Variants in DHX29 observed in about 807,000 individuals in gnomAD.
DHX29 encodes the protein ATP-dependent RNA helicase DHX29.
Under a neutral mutation model 167.9 loss-of-function variants are expected in DHX29, and 79 were observed. The ratio of observed to expected loss-of-function variants is 0.47; its 90% CI spans 0.39 to 0.57. The LOEUF is 0.57. Ranked by LOEUF, DHX29 falls within the 20% of genes least tolerant of loss-of-function variation. The pLI is 0.00. For synonymous variants in DHX29, 530 were observed against 546.0 expected (o/e 0.97, Z 0.41); for missense variants, 1,347 against 1,593.4 (o/e 0.85, Z 2.63).
chr5:55,263,260 CTCAA>C (rs1170080624), intron 23 of DHX29, among the ~76,000 whole-genome samples: 1 of 152,122 alleles, frequency 6.6e-6, no homozygotes, highest in Non-Finnish European at 1.5e-5. Context: ...GAGATTTTTA[CTCAA>C]TGAGGATGGT....
intron 11 of DHX29, 73 bp downstream of exon 11, chr5:55,283,130 C>G (rs1175041531): frequency 1.3e-6 from 2 of 1,489,712 alleles, no homozygotes; most frequent in African/African-American, 1.4e-5. Flanking sequence ...GGTACACATT[C>G]CATTTGGATC....
chr5:55,285,636 A>G, intron 9 of DHX29, 60 bp downstream of exon 9: 2 of 1,487,934 alleles, frequency 1.3e-6, no homozygotes, highest in Non-Finnish European at 1.8e-6. Flanking sequence ...AAAGATTTCC[A>G]CCTTAAATTT....
chr5:55,301,935 A>G (rs1561172587), intron 1 of DHX29, among the ~76,000 whole-genome samples: 1 of 152,198 alleles, frequency 6.6e-6, no homozygotes, highest in African/African-American at 2.4e-5. Context: ...TTAAAAGAAC[A>G]AAAGTTTTTG....
In DHX29 at chr5:55,297,266, T is replaced by C. The variant is rs780672645; in HGVS notation, c.375+19A>G. 8.1e-7 allele frequency: 1 copy of C among 1,238,564 alleles called. No homozygotes were observed. The highest frequency in any genetic ancestry group is 1.2e-6 in the Non-Finnish European group (1 of 843,918). 76.7% of individuals were successfully genotyped at this position (1,238,564 alleles called of 1,614,324 possible). Reference sequence around the variant, plus strand: ...ATGCTTCACTAAAACTAAGGAACTTTAAAAAGTTTGCAAAATACCTGCAAT... The same window carrying C: ...ATGCTTCACTAAAACTAAGGAACTTCAAAAAGTTTGCAAAATACCTGCAAT... On this transcript the variant is annotated intron_variant, in intron 3 of 26. Transcript: ENST00000251636.
chr5:55,283,949 T>C, intron 10 of DHX29, 138 bp from the exon 11 acceptor site: 2 of 595,142 alleles, frequency 3.4e-6, no homozygotes, highest in East Asian at 5.8e-5. Context: ...TATATGTATG[T>C]GTATGATGCA....
In DHX29 at chr5:55,294,083, T is replaced by C; in HGVS notation, c.714A>G (p.Glu238=). The C allele has an allele frequency of 6.2e-7, 1 of 1,608,298 alleles. No individual in the cohort carries two copies. The highest frequency in any genetic ancestry group is 8.5e-7 in the Non-Finnish European group (1 of 1,177,814). Residue 238 remains glutamate (E), a synonymous_variant, in exon 6 of 27, where the codon GAA becomes GAG. Transcript: ENST00000251636. ...CATTCTTTTCTTCTTCATTTTGTTG[T>C]TCAGCATATCGTAAAATCCACTCTT... ...NMKEWILRYA[E]QQNEEEKNEN... is the part of the protein sequence containing the mutation.
intron 25 of DHX29, among the ~76,000 whole-genome samples, chr5:55,260,439 G>T (rs1489227668): frequency 1.3e-5 from 2 of 151,792 alleles, no homozygotes; most frequent in Non-Finnish European, 2.9e-5. Flanking sequence ...CACCATGTTG[G>T]TCAGGCTGGT....
chr5:55,276,485 C>A, intron 13 of DHX29, 79 bp from the exon 14 acceptor site: 1 of 1,129,196 alleles, frequency 8.9e-7, no homozygotes, highest in Non-Finnish European at 1.2e-6. Flanking sequence ...CAGGGGACAC[C>A]ACCTTTTGAA....
In DHX29 at chr5:55,270,579, T is replaced by A; in HGVS notation, c.2992A>T (p.Arg998Ter). The A allele has an allele frequency of 6.2e-7, 1 of 1,614,158 alleles. No individual in the cohort carries two copies. Among genetic ancestry groups the A allele is most frequent in the Non-Finnish European group, 8.5e-7 (1 of 1,180,012 alleles). The change falls in exon 19 of 27, where the codon AGA becomes TGA. Residue 998 changes from arginine (R) to a stop codon, truncating the protein, a stop_gained and splice_region_variant. Coordinates refer to ENST00000251636, the MANE Select transcript of DHX29 (RefSeq NM_019030.4). LOFTEE classifies it high-confidence loss of function. ...GFCFRMYTRE[R>*]FEGFMDYSVP... ...TACATTTCCAGTGCTATGCCATACC[T>A]TTCTCTTGTGTACATTCGGAAACAG...
At chr5:55,271,396 C>T (rs1323515063) in intron 18 of DHX29, among the ~76,000 whole-genome samples, 3 of 152,138 alleles carry the variant, frequency 2.0e-5, no homozygotes, top group African/African-American at 7.2e-5. Context: ...TTTGGAAGGC[C>T]GAGGCAGGCA....
At chr5:55,273,262 T>A (rs1232571365) in intron 17 of DHX29, 31 bp downstream of exon 17, 3 of 1,546,926 alleles carry the variant, frequency 1.9e-6, no homozygotes, top group African/African-American at 1.4e-5. Context: ...CTCAGGTGGA[T>A]CACATATAAA....
At position 55,264,470 on chromosome 5, in the gene DHX29, T is replaced by C. The variant is rs574406206; in HGVS notation, c.3526-1538A>G. 1.2e-3 allele frequency among the ~76,000 whole-genome samples: 177 copies of C among 152,242 alleles called. 1 individual carries two copies. Among genetic ancestry groups the C allele is most frequent in the Admixed American group, 4.3e-3 (66 of 15,280 alleles). On this transcript the variant is annotated intron_variant, in intron 23 of 26. Transcript: ENST00000251636. ...CTGGCCAATATTTAGGGACATATAA[T>C]AGAATTTCCTGAAAAGGAATCAGAG...
At position 55,295,450 on chromosome 5, in the gene DHX29, G is replaced by C; in HGVS notation, c.580C>G (p.Gln194Glu). 6.2e-7 allele frequency: 1 copy of C among 1,612,712 alleles called. No individual in the cohort carries two copies. Among genetic ancestry groups the C allele is most frequent in the Non-Finnish European group, 8.5e-7 (1 of 1,179,088 alleles). ...PKSRPKFQSP[Q>E]IQATISPPLQ... is the part of the protein sequence containing the mutation. ...GGAGGTGAAATAGTGGCTTGTATTT[G>C]AGGAGACTGAAATTTAGGCCTACTT... Residue 194 changes from glutamine (Q) to glutamate (E), a missense_variant, in exon 5 of 27, where the codon CAA (glutamine) becomes GAA (glutamate). Coordinates refer to ENST00000251636, the MANE Select transcript of DHX29 (RefSeq NM_019030.4).
intron 1 of DHX29, among the ~76,000 whole-genome samples, chr5:55,299,154 T>C (rs1156714212): frequency 6.6e-6 from 1 of 152,184 alleles, no homozygotes; most frequent in African/African-American, 2.4e-5. Flanking sequence ...CTCTAAATTT[T>C]CAACATTTTA....
Position 55,262,118 on chromosome 5 carries a change from A to G in DHX29, c.3828+512T>C, listed in dbSNP as rs58733280. Among the ~76,000 whole-genome samples, 15 of 152,338 alleles carry G rather than the reference A, an allele frequency of 9.8e-5. No homozygotes were observed. In the East Asian group the frequency reaches 2.9e-3, roughly 29 times the overall value. On this transcript the variant is annotated intron_variant, in intron 24 of 26. Transcript: ENST00000251636. ...AGAAAATGCCATCTTAACCTTTACC[A>G]TATGTTAAAAAATAAGAAAATGGAG...
chr5:55,295,328 T>C (rs1352403727), intron 5 of DHX29, 51 bp downstream of exon 5: 7 of 1,356,894 alleles, frequency 5.2e-6, no homozygotes, highest in African/African-American at 1.4e-5. Flanking sequence ...AACTGTTACA[T>C]GTGCTCCATT....
At chr5:55,285,618 G>A in intron 9 of DHX29, 78 bp downstream of exon 9, 2 of 1,433,996 alleles carry the variant, frequency 1.4e-6, no homozygotes, top group Non-Finnish European at 1.9e-6. Context: ...TTACCTCACA[G>A]GGAACAAAAA....
intron 10 of DHX29, among the ~76,000 whole-genome samples, chr5:55,284,312 T>C (rs944597286): frequency 2.6e-5 from 4 of 152,236 alleles, no homozygotes; most frequent in African/African-American, 9.6e-5. Context: ...AAAGCAGTTC[T>C]TTTGAGATTC....
intron 6 of DHX29, 49 bp from the exon 7 acceptor site, chr5:55,290,393 A>G (rs781575619): frequency 2.3e-5 from 35 of 1,547,966 alleles, no homozygotes; most frequent in Non-Finnish European, 3.0e-5. Context: ...GAAGAGCAAG[A>G]TTAGTTTATC....
Sources: allele counts gnomAD v4.1 joint callset (sites outside exome capture counted in the v4.1 genomes callset), GRCh38; gene constraint gnomAD v4.1.1; transcripts MANE v1.5; gene names NCBI Gene and HGNC (gene_info 2026-07-23, HGNC 2026-07-21).